PLCH1: variants seen among roughly 807,000 people sequenced by gnomAD.
PLCH1 encodes 1-phosphatidylinositol 4,5-bisphosphate phosphodiesterase eta-1.
In PLCH1, 60 loss-of-function variants were observed where a neutral mutation model predicts 126.7. That is an observed-to-expected ratio of 0.47 (90% confidence interval 0.38 to 0.59). The LOEUF is 0.59. Ranked by LOEUF, PLCH1 falls within the 20% of genes least tolerant of loss-of-function variation. The pLI, the probability that PLCH1 is intolerant of heterozygous loss-of-function variation, is 0.00. For synonymous variants in PLCH1, 719 were observed against 734.9 expected, an observed-to-expected ratio of 0.98 and a Z score of 0.35; for missense variants, 1,723 against 2,040.0, an observed-to-expected ratio of 0.84 and a Z score of 2.99.
At chr3:155,565,813 A>G (rs987737112) in intron 7 of PLCH1, among the ~76,000 whole-genome samples, 1 of 151,454 alleles carries the variant, frequency 6.6e-6, no homozygotes, top group African/African-American at 2.4e-5. Context: ...CTCCAGCCTC[A>G]GCCTTCTGAG....
At position 155,639,846 on chromosome 3, in the gene PLCH1, C is replaced by A. The variant is rs1251885052; in HGVS notation, c.80-43468G>T. Reference sequence around the variant, plus strand: ...ACTGAGTCATGGGGGTGGATATCCCCCCCTGCTGTTCTCAGGATAGTGAGT... The same window carrying A: ...ACTGAGTCATGGGGGTGGATATCCCACCCTGCTGTTCTCAGGATAGTGAGT... On this transcript the variant is annotated intron_variant, in intron 2 of 22. Coordinates refer to ENST00000460012, the MANE Select transcript of PLCH1 (RefSeq NM_014996.4). 2.6e-5 allele frequency among the ~76,000 whole-genome samples: 4 copies of A among 152,172 alleles called. No individual in the cohort carries two copies. The East Asian group carries it at 7.7e-4, about 29-fold the overall frequency.
At position 155,564,242 on chromosome 3, in the gene PLCH1, C is replaced by A. The variant is rs146390243; in HGVS notation, c.1069+673G>T. ...CCACTAGAAGTTTAATAAATGTTGG[C>A]TAATTGATAGACCATGAAGTATCCT... On this transcript the variant is annotated intron_variant, in intron 8 of 22. Transcript: ENST00000460012. 4.2e-3 allele frequency among the ~76,000 whole-genome samples: 639 copies of A among 152,218 alleles called. 1 individual carries two copies. The highest frequency in any genetic ancestry group is 7.1e-3 in the Admixed American group (108 of 15,286).
At chr3:155,733,761 T>C (rs1748941518) in intron 1 of PLCH1, among the ~76,000 whole-genome samples, 1 of 151,532 alleles carries the variant, frequency 6.6e-6, no homozygotes, top group African/African-American at 2.4e-5. Flanking sequence ...AGACGACCTG[T>C]GGAATGGGAA....
chr3:155,706,044 C>T (rs546781830), intron 1 of PLCH1, among the ~76,000 whole-genome samples: 3 of 151,322 alleles, frequency 2.0e-5, no homozygotes, highest in Non-Finnish European at 4.4e-5. Context: ...TATGGTGGCA[C>T]GCACCTGTAG....
intron 2 of PLCH1, among the ~76,000 whole-genome samples, chr3:155,634,345 C>T (rs1300182281): frequency 1.3e-5 from 2 of 152,154 alleles, no homozygotes; most frequent in Non-Finnish European, 2.9e-5. Flanking sequence ...TACTGGTAAC[C>T]ATCAAATGAG....
At chr3:155,534,147 A>G (rs2108349167) in intron 10 of PLCH1, among the ~76,000 whole-genome samples, 1 of 152,320 alleles carries the variant, frequency 6.6e-6, no homozygotes, top group Admixed American at 6.5e-5. Context: ...GACAGCTTGC[A>G]CTGTGTGCCT....
At chr3:155,518,630 A>T (rs1328581546) in intron 11 of PLCH1, among the ~76,000 whole-genome samples, 2 of 152,190 alleles carry the variant, frequency 1.3e-5, no homozygotes, top group Non-Finnish European at 2.9e-5. Flanking sequence ...AAACAATTTC[A>T]CTTAAGGTCA....
At chr3:155,642,536 T>TA in intron 2 of PLCH1, among the ~76,000 whole-genome samples, 1 of 152,314 alleles carries the variant, frequency 6.6e-6, no homozygotes, top group East Asian at 1.9e-4. Context: ...AATTGGTAGA[T>TA]AGAGTAAAGC....
chr3:155,690,365 A>G (rs1745279955), intron 2 of PLCH1, among the ~76,000 whole-genome samples: 1 of 152,278 alleles, frequency 6.6e-6, no homozygotes, highest in African/African-American at 2.4e-5. Context: ...GCACAAATGT[A>G]CATGCATATC....
At chr3:155,655,672 C>T (rs1011208644) in intron 2 of PLCH1, among the ~76,000 whole-genome samples, 4 of 152,036 alleles carry the variant, frequency 2.6e-5, no homozygotes, top group Admixed American at 2.0e-4. Context: ...ATAAAATAAA[C>T]AGCATAACCC....
intron 10 of PLCH1, among the ~76,000 whole-genome samples, chr3:155,543,159 A>C (rs943351431): frequency 1.3e-5 from 2 of 152,232 alleles, no homozygotes; most frequent in African/African-American, 4.8e-5. Context: ...AGACGAATGT[A>C]TAACTAGAAG....
chr3:155,631,077 A>G (rs1737960203), intron 2 of PLCH1, among the ~76,000 whole-genome samples: 1 of 152,210 alleles, frequency 6.6e-6, no homozygotes, highest in Non-Finnish European at 1.5e-5. Flanking sequence ...TCTGATCCAA[A>G]TTTATTATTA....
At chr3:155,610,367 A>G (rs1734901931) in intron 2 of PLCH1, among the ~76,000 whole-genome samples, 1 of 141,976 alleles carries the variant, frequency 7.0e-6, no homozygotes, top group African/African-American at 2.7e-5. Flanking sequence ...GTCTGGAGAA[A>G]AAAAAAAAAA....
intron 2 of PLCH1, among the ~76,000 whole-genome samples, chr3:155,637,264 G>C (rs1217888583): frequency 6.6e-6 from 1 of 152,184 alleles, no homozygotes; most frequent in Admixed American, 6.5e-5. Flanking sequence ...TGAGCCCTCA[G>C]TCAGAGGTCC....
intron 2 of PLCH1, among the ~76,000 whole-genome samples, chr3:155,700,149 T>G (rs552967354): frequency 2.0e-4 from 31 of 152,336 alleles, no homozygotes; most frequent in African/African-American, 6.7e-4. Context: ...AGTTAGTTGT[T>G]AAACTTGGAT....
chr3:155,714,954 T>C (rs528056265), intron 1 of PLCH1, among the ~76,000 whole-genome samples: 2 of 152,382 alleles, frequency 1.3e-5, no homozygotes, highest in East Asian at 3.9e-4. Context: ...GTAAAACCAG[T>C]TGAGCCTGAA....
chr3:155,681,775 G>C (rs1000791134), intron 2 of PLCH1, among the ~76,000 whole-genome samples: 2 of 152,164 alleles, frequency 1.3e-5, no homozygotes, highest in African/African-American at 4.8e-5. Context: ...ACCCCAAAGG[G>C]CTAGATGCAG....
intron 2 of PLCH1, among the ~76,000 whole-genome samples, chr3:155,656,092 G>A (rs1741321743): frequency 6.6e-6 from 1 of 151,832 alleles, no homozygotes; most frequent in South Asian, 2.1e-4. Flanking sequence ...TTCCTAAAAA[G>A]ATATACTTTC....
downstream of PLCH1, among the ~76,000 whole-genome samples, chr3:155,478,176 T>C (rs1713628093): frequency 1.3e-5 from 2 of 152,084 alleles, no homozygotes; most frequent in East Asian, 1.9e-4. Context: ...TCTCACTTAT[T>C]TGTGGGATCT....
Sources: gnomAD v4.1 joint callset for allele counts (sites outside exome capture counted in the v4.1 genomes callset) on GRCh38, gnomAD v4.1.1 for gene constraint, MANE v1.5 for transcripts, NCBI Gene and HGNC (gene_info 2026-07-23, HGNC 2026-07-21) for gene names.